SLC6A9: variants seen among roughly 807,000 people sequenced by gnomAD.
The protein encoded by SLC6A9 is solute carrier family 6 member 9.
A neutral mutation model predicts 70.9 loss-of-function variants in SLC6A9; 31 were observed. The ratio of observed to expected loss-of-function variants is 0.44; its 90% CI spans 0.33 to 0.59. The LOEUF is 0.59. Ranked by LOEUF, SLC6A9 falls within the 20% of genes least tolerant of loss-of-function variation. SLC6A9 has a pLI of 0.04. For missense variants in SLC6A9, 631 were observed against 845.2 expected (o/e 0.75, Z 3.14); for synonymous variants, 310 against 341.3 (o/e 0.91, Z 1.01).
At position 43,997,877 on chromosome 1, in the gene SLC6A9, G is replaced by A. The variant is rs756857614; in HGVS notation, c.1685C>T (p.Thr562Ile). The A allele has an allele frequency of 6.8e-6, 11 of 1,613,124 alleles. No homozygotes were observed. The highest frequency in any genetic ancestry group is 1.7e-5 in the Admixed American group (1 of 59,906). ...PLYAMFRLCRTDGDTLLQRLK... is the reference protein window; with the variant it reads ...PLYAMFRLCRIDGDTLLQRLK... ...CACCTGGAGGAGGGTGTCCCCGTCTGTGCGGCAGAGCCGGAACATGGCGTA... is the reference window on the plus strand; with the variant it reads ...CACCTGGAGGAGGGTGTCCCCGTCTATGCGGCAGAGCCGGAACATGGCGTA... Residue 562 changes from threonine to isoleucine, a missense_variant, in exon 13 of 14, where the codon ACA becomes ATA. By Grantham distance (89) the Thr-to-Ile change is moderately conservative. Transcript: ENST00000372310. This position sits in a 1 kb window ranked among gnomAD's most constrained non-coding sequence, Gnocchi z 4.4.
At position 44,010,161 on chromosome 1, in the gene SLC6A9, C is replaced by T; in HGVS notation, c.188-65G>A. ...GAGGGATCTCACCCTGGGCTTCCTG[C>T]TCAGAACTCAACAGCAAAACCTTCG... On this transcript the variant is annotated intron_variant, in intron 3 of 13. Coordinates refer to ENST00000372310, the MANE Select transcript of SLC6A9 (RefSeq NM_001024845.3). The T allele has an allele frequency of 3.8e-6, 6 of 1,585,392 alleles. No individual in the cohort carries two copies. In the South Asian group the frequency reaches 6.7e-5, roughly 18 times the overall value.
In SLC6A9 at chr1:44,020,885, C is replaced by G. The variant is rs527730835; in HGVS notation, c.30+3363G>C. Among the ~76,000 whole-genome samples the G allele has an allele frequency of 1.7e-3, 259 of 152,324 alleles. 2 individuals are homozygous for G. Among genetic ancestry groups the G allele is most frequent in the African/African-American group, 6.0e-3 (250 of 41,564 alleles). On this transcript the variant is annotated intron_variant, in intron 2 of 13. Coordinates refer to ENST00000372310, the MANE Select transcript of SLC6A9 (RefSeq NM_001024845.3). ...TTTGGACACTCTGGCACCCAGAACC[C>G]TAATCCAAATGAGTCTGTTCCTGTT... is the stretch of plus-strand genomic sequence containing the variant.
Position 44,001,465 on chromosome 1 carries a change from G to C in SLC6A9, c.1125C>G (p.Leu375=), listed in dbSNP as rs753336173. The C allele has an allele frequency of 1.2e-6, 2 of 1,614,200 alleles. No homozygotes were observed. Among genetic ancestry groups the C allele is most frequent in the East Asian group, 4.5e-5 (2 of 44,884 alleles). ...ACAGCGGGGAGATGGGAAGTAGTGTGAGGGCCTCGGGGTAAGCCACGAAGG... is the reference window on the plus strand; with the variant it reads ...ACAGCGGGGAGATGGGAAGTAGTGTCAGGGCCTCGGGGTAAGCCACGAAGG... ...GLAFVAYPEA[L]TLLPISPLWS... The change falls in exon 9 of 14, where the codon CTC becomes CTG. Residue 375 remains leucine, a synonymous_variant. Transcript: ENST00000372310.
chr1:44,008,715 T>C (rs556987330), intron 4 of SLC6A9, 92 bp from the exon 5 acceptor site: 2 of 1,066,460 alleles, frequency 1.9e-6, no homozygotes, highest in African/African-American at 1.7e-5. Context: ...CTTTTCTTTT[T>C]TTTTTTTTGA....
chr1:43,998,217 G>A (rs1046864515), intron 12 of SLC6A9, among the ~76,000 whole-genome samples, 192 bp from the exon 13 acceptor site: 2 of 152,200 alleles, frequency 1.3e-5, no homozygotes, highest in Non-Finnish European at 2.9e-5. Flanking sequence ...CGCGGTGAGT[G>A]GGAAGGCTCT....
intron 1 of SLC6A9, chr1:44,030,342 CG>C (rs1478704782): frequency 3.3e-5 from 5 of 152,302 alleles, no homozygotes; most frequent in Admixed American, 6.6e-5. Flanking sequence ...AGTACCGGGG[CG>C]CCGAGGTCCC....
Position 44,001,614 on chromosome 1 carries a change from T to G in SLC6A9, c.976A>C (p.Ile326Leu), listed in dbSNP as rs201714942. The G allele has an allele frequency of 6.2e-6, 10 of 1,612,840 alleles. No homozygotes were observed. The highest frequency in any genetic ancestry group is 8.5e-6 in the Non-Finnish European group (10 of 1,179,250). Reference sequence around the variant, plus strand: ...CTGGTGGCACAGTTGGTGATGCTGATGATGACACTGTCCCTGATGGGGAGG... The same window carrying G: ...CTGGTGGCACAGTTGGTGATGCTGAGGATGACACTGTCCCTGATGGGGAGG... ...HNNCYRDSVI[I>L]SITNCATSVY... The change falls in exon 9 of 14, where the codon ATC becomes CTC. Residue 326 changes from isoleucine to leucine, a missense_variant. Physicochemically the swap from Ile to Leu is conservative, Grantham distance 5. Transcript: ENST00000372310.
intron 5 of SLC6A9, among the ~76,000 whole-genome samples, chr1:44,004,566 G>A (rs564578510): frequency 6.0e-5 from 9 of 149,578 alleles, no homozygotes; most frequent in Admixed American, 1.3e-4. Flanking sequence ...GGCTGGTCTC[G>A]AATGCCTGGG....
chr1:44,025,213 G>T (rs2086959479), intron 1 of SLC6A9, among the ~76,000 whole-genome samples: 1 of 152,158 alleles, frequency 6.6e-6, no homozygotes, highest in South Asian at 2.1e-4. Context: ...AATTGAAATG[G>T]AGGGAAATAG....
chr1:44,010,457 G>GGA, intron 3 of SLC6A9: 1 of 60,104 alleles, frequency 1.7e-5, no homozygotes, highest in East Asian at 4.2e-4. Flanking sequence ...CCTTGTGGGC[G>GGA]GGGGGGGGGG....
chr1:44,011,729 G>A (rs1359801178), intron 2 of SLC6A9: 1 of 1,613,722 alleles, frequency 6.2e-7, no homozygotes, highest in Non-Finnish European at 8.5e-7. Context: ...TCACCTGCAG[G>A]GGAGGGGGCC....
At chr1:44,030,204 T>A (rs1007867228) in intron 1 of SLC6A9, among the ~76,000 whole-genome samples, 1 of 152,074 alleles carries the variant, frequency 6.6e-6, no homozygotes, top group Non-Finnish European at 1.5e-5. Flanking sequence ...TCCCGGTTCC[T>A]CGAAGTGGGG....
intron 2 of SLC6A9, chr1:44,017,483 G>T: frequency 3.3e-6 from 2 of 605,350 alleles, no homozygotes; most frequent in Non-Finnish European, 4.6e-6. Context: ...GAGCCCACAG[G>T]CCTAGCACTG....
chr1:43,999,309 G>T (rs2086002122), intron 12 of SLC6A9, among the ~76,000 whole-genome samples: 2 of 151,292 alleles, frequency 1.3e-5, no homozygotes, highest in Non-Finnish European at 3.0e-5. Flanking sequence ...TCCCCTAAAG[G>T]TAACTCCAGC....
At chr1:44,028,601 C>T (rs890043188) in intron 1 of SLC6A9, among the ~76,000 whole-genome samples, 6 of 152,040 alleles carry the variant, frequency 3.9e-5, no homozygotes, top group African/African-American at 7.2e-5. Flanking sequence ...ACTAAAAATA[C>T]GAAATTAGCT....
intron 1 of SLC6A9, among the ~76,000 whole-genome samples, chr1:44,028,783 G>C (rs961354289): frequency 6.7e-6 from 1 of 148,284 alleles, no homozygotes; most frequent in African/African-American, 2.6e-5. Flanking sequence ...AAAAGAAAGA[G>C]AGAGAGAGAA....
At chr1:44,003,098 C>T in intron 5 of SLC6A9, 113 bp from the exon 6 acceptor site, 1 of 1,281,218 alleles carries the variant, frequency 7.8e-7, no homozygotes, top group South Asian at 1.3e-5. Flanking sequence ...GTCCCAGCAG[C>T]CACCTTGTGT....
At position 44,002,876 on chromosome 1, in the gene SLC6A9, G is replaced by A. The variant is rs1246588755; in HGVS notation, c.700C>T (p.Arg234Ter). 2.5e-6 allele frequency: 4 copies of A among 1,614,088 alleles called. No homozygotes were observed. The highest frequency in any genetic ancestry group is 1.3e-5 in the African/African-American group (1 of 75,014). ...GCTTTCCCTGAAGACTTGACCCCTC[G>A]GATGAGGCAGAGGAAGACGACCAAC... ...SWLVVFLCLI[R>*]GVKSSGKVVY... Residue 234 changes from arginine to a stop codon, truncating the protein, a stop_gained, in exon 6 of 14, where the codon CGA (arginine) becomes TGA (stop). Coordinates refer to ENST00000372310, the MANE Select transcript of SLC6A9 (RefSeq NM_001024845.3). LOFTEE classifies it high-confidence loss of function. This position sits in a 1 kb window ranked among gnomAD's most constrained non-coding sequence, Gnocchi z 5.5.
Position 44,010,041 on chromosome 1 carries a change from G to C in SLC6A9, c.243C>G (p.Phe81Leu). ...ACTGGCCGAAGGAGAGCTCCATGAA[G>C]AAGAGGGGGATCCCGCAGAAGATGA... ...IMLIFCGIPL[F>L]FMELSFGQFA... is the part of the protein sequence containing the mutation. The change falls in exon 4 of 14, where the codon TTC becomes TTG. Residue 81 changes from phenylalanine (F) to leucine (L), a missense_variant. Phe to Leu is a conservative substitution (Grantham distance 22). Coordinates refer to ENST00000372310, the MANE Select transcript of SLC6A9 (RefSeq NM_001024845.3). The C allele has an allele frequency of 6.2e-7, 1 of 1,614,168 alleles. No individual in the cohort carries two copies. The highest frequency in any genetic ancestry group is 1.1e-5 in the South Asian group (1 of 91,088).
Sources: allele counts gnomAD v4.1 joint callset (sites outside exome capture counted in the v4.1 genomes callset), GRCh38; gene constraint gnomAD v4.1.1; non-coding constraint Gnocchi (gnomAD v3.1); transcripts MANE v1.5; gene names NCBI Gene and HGNC (gene_info 2026-07-23, HGNC 2026-07-21).